Variants in SGF29 observed in about 807,000 individuals in gnomAD.
SGF29 encodes the protein SAGA-associated factor 29.
In SGF29, 15 loss-of-function variants were observed where a neutral mutation model predicts 38.1. The ratio of observed to expected loss-of-function variants is 0.39; its 90% CI spans 0.26 to 0.61. The LOEUF (loss-of-function observed/expected upper bound fraction) is 0.61. SGF29 is among the 20% of genes least tolerant of loss of function. The pLI is 0.49. For missense variants in SGF29, 184 were observed against 394.6 expected (o/e 0.47, Z 4.52); for synonymous variants, 151 against 160.8 (o/e 0.94, Z 0.46).
chr16:28,590,742 C>T lies in SGF29; in HGVS notation c.603-31C>T. 2 of 1,614,054 alleles carry T rather than the reference C, an allele frequency of 1.2e-6. No homozygotes were observed. Among genetic ancestry groups the T allele is most frequent in the South Asian group, 1.1e-5 (1 of 91,082 alleles). On this transcript the variant is annotated intron_variant, in intron 8 of 9. Coordinates refer to ENST00000317058, the MANE Select transcript of SGF29 (RefSeq NM_138414.3). This position sits in a 1 kb window ranked among gnomAD's most constrained non-coding sequence, Gnocchi z 8.2. ...CTGAGAAGGAGCATCCCCACCCGGC[C>T]ACAGGTTGATATAAGCCCCTCTTCC... is the stretch of plus-strand genomic sequence containing the variant.
rs773541557 is a variant in SGF29, at chr16:28,564,564, TACGTATATATATAC to T, written c.-16+10484_-16+10497del. On this transcript the variant is annotated intron_variant, in intron 1 of 9. Transcript: ENST00000317058. Reference sequence around the variant, plus strand: ...GTATATATATACGTATATATATATATACGTATATATATACACGTATATATATACACACATATATG... The same window carrying T: ...GTATATATATACGTATATATATATATACGTATATATATACACACATATATG... Among the ~76,000 whole-genome samples the T allele has an allele frequency of 5.7e-4, 69 of 121,878 alleles. 1 individual carries two copies. In the East Asian group the frequency reaches 0.013, roughly 23 times the overall value. The allele number at this position is 121,878 out of a possible 152,430, so 80.0% of individuals were successfully genotyped here. A position where few individuals can be genotyped will look rare whatever the true frequency, so the allele number is the denominator to read the frequency against.
Position 28,590,073 on chromosome 16 carries a change from C to T in SGF29, c.290-23C>T. 1.2e-6 allele frequency: 2 copies of T among 1,604,414 alleles called. No homozygotes were observed. Among genetic ancestry groups the T allele is most frequent in the Non-Finnish European group, 1.7e-6 (2 of 1,176,046 alleles). On this transcript the variant is annotated intron_variant, in intron 5 of 9. Transcript: ENST00000317058. This position sits in a 1 kb window ranked among gnomAD's most constrained non-coding sequence, Gnocchi z 8.2. ...AGGCCGGCACCTATCCCTGGGGCCT[C>T]AGGCCTCCCTTCCTTCCCACAGCGG...
intron 3 of SGF29, chr16:28,585,335 G>T: frequency 1.9e-6 from 1 of 533,714 alleles, no homozygotes; most frequent in Non-Finnish European, 3.4e-6. Context: ...CTGGGGCTGG[G>T]GCTTTCTTAC....
intron 1 of SGF29, among the ~76,000 whole-genome samples, chr16:28,570,680 GTGA>G (rs2046859842): frequency 6.6e-6 from 1 of 151,896 alleles, no homozygotes; most frequent in African/African-American, 2.4e-5. Flanking sequence ...CCAGGTTTAA[GTGA>G]TTCTCCTGCC....
At chr16:28,589,433 G>A (rs1000570113) in intron 5 of SGF29, 9 of 449,198 alleles carry the variant, frequency 2.0e-5, no homozygotes, top group African/African-American at 1.2e-4. Context: ...TGGGCCAGTC[G>A]CCCCCTCCTC....
intron 1 of SGF29, among the ~76,000 whole-genome samples, chr16:28,566,538 C>T (rs1259910254): frequency 6.6e-6 from 1 of 151,938 alleles, no homozygotes; most frequent in Admixed American, 6.6e-5. Flanking sequence ...TCTGTAATCC[C>T]AACACTTTTC....
At chr16:28,561,325 G>A (rs1426581242) in intron 1 of SGF29, among the ~76,000 whole-genome samples, 1 of 152,132 alleles carries the variant, frequency 6.6e-6, no homozygotes, top group Non-Finnish European at 1.5e-5. Context: ...CTGAGGTCAA[G>A]AGTTGGAGAC....
chr16:28,560,730 G>A (rs1447950555), intron 1 of SGF29, among the ~76,000 whole-genome samples: 1 of 152,126 alleles, frequency 6.6e-6, no homozygotes, highest in African/African-American at 2.4e-5. Context: ...GGGAGGCCAA[G>A]GCAGGCGGAT....
intron 1 of SGF29, among the ~76,000 whole-genome samples, chr16:28,562,903 CAAAAAAAAA>C (rs753973229): frequency 5.9e-5 from 3 of 50,892 alleles, no homozygotes; most frequent in African/African-American, 1.5e-4. Flanking sequence ...GACCCTGTCT[CAAAAAAAAA>C]AAAAAAAAAA....
intron 1 of SGF29, among the ~76,000 whole-genome samples, chr16:28,577,787 G>A (rs2046903419): frequency 6.6e-6 from 1 of 152,144 alleles, no homozygotes; most frequent in Non-Finnish European, 1.5e-5. Context: ...TGTCTATTCA[G>A]ATCATTTTTG....
chr16:28,557,497 A>G (rs1005110062), intron 1 of SGF29, among the ~76,000 whole-genome samples: 1 of 152,140 alleles, frequency 6.6e-6, no homozygotes, highest in Non-Finnish European at 1.5e-5. Context: ...CAGTAAACCT[A>G]AGTGTTTCCC....
chr16:28,556,928 A>G (rs976276141), intron 1 of SGF29, among the ~76,000 whole-genome samples: 3 of 152,170 alleles, frequency 2.0e-5, no homozygotes, highest in African/African-American at 7.2e-5. Context: ...GATTACGGTC[A>G]TGAGCCACTG....
rs1244820721 is a variant in SGF29, at chr16:28,581,122, A to T, written c.53A>T (p.His18Leu). Residue 18 changes from histidine to leucine, a missense_variant, in exon 2 of 10, where the codon CAT becomes CTT. Physicochemically the swap from His to Leu is moderately conservative, Grantham distance 99. Around this residue, in one of 2 missense-constraint regions of SGF29, gnomAD observed 77 missense variants for 117.7 expected, o/e 0.65. Coordinates refer to ENST00000317058, the MANE Select transcript of SGF29 (RefSeq NM_138414.3). Reference sequence around the variant, plus strand: ...ATTGCAGAACTTCTCACAGAGCTCCATCAGCTGATCAAACAAACCCAGGTA... The same window carrying T: ...ATTGCAGAACTTCTCACAGAGCTCCTTCAGCTGATCAAACAAACCCAGGTA... ...SRIAELLTEL[H>L]QLIKQTQEER... 4 of 1,614,062 alleles carry T rather than the reference A, an allele frequency of 2.5e-6. No individual in the cohort carries two copies. The highest frequency in any genetic ancestry group is 3.4e-6 in the Non-Finnish European group (4 of 1,179,998).
intron 1 of SGF29, among the ~76,000 whole-genome samples, chr16:28,565,767 G>A (rs969257625): frequency 6.6e-6 from 1 of 151,778 alleles, no homozygotes; most frequent in Non-Finnish European, 1.5e-5. Context: ...GATTACAGAC[G>A]TGAGCCACCA....
chr16:28,558,592 G>A (rs947878262), intron 1 of SGF29, among the ~76,000 whole-genome samples: 3 of 152,114 alleles, frequency 2.0e-5, no homozygotes, highest in Non-Finnish European at 1.5e-5. Context: ...CTTGTCATGA[G>A]GCATTAAAAA....
intron 1 of SGF29, among the ~76,000 whole-genome samples, chr16:28,574,719 T>A (rs1224999792): frequency 6.6e-6 from 1 of 152,186 alleles, no homozygotes; most frequent in African/African-American, 2.4e-5. Context: ...TGTCCACACC[T>A]TCACTTTCTT....
Position 28,565,769 on chromosome 16 carries a change from G to A in SGF29, c.-16+11672G>A, listed in dbSNP as rs564688853. ...CCCAAAGTGCTGGGATTACAGACGT[G>A]AGCCACCACGCCCAGCCAGGTATGG... On this transcript the variant is annotated intron_variant, in intron 1 of 9. Coordinates refer to ENST00000317058, the MANE Select transcript of SGF29 (RefSeq NM_138414.3). 8.6e-5 allele frequency among the ~76,000 whole-genome samples: 13 copies of A among 151,954 alleles called. No homozygotes were observed. The East Asian group carries it at 2.4e-3, about 28-fold the overall frequency.
chr16:28,588,071 AT>A, intron 4 of SGF29, among the ~76,000 whole-genome samples: 1 of 152,252 alleles, frequency 6.6e-6, no homozygotes, highest in Admixed American at 6.5e-5. Context: ...AAGTGCTGAG[AT>A]TACAGGCGTG....
chr16:28,573,225 G>C (rs2046875490), intron 1 of SGF29, among the ~76,000 whole-genome samples: 2 of 152,128 alleles, frequency 1.3e-5, no homozygotes, highest in Admixed American at 1.3e-4. Flanking sequence ...AGGACCTGGG[G>C]GGGTGTAAGA....
Sources: gnomAD v4.1 joint callset for allele counts (sites outside exome capture counted in the v4.1 genomes callset) on GRCh38, gnomAD v4.1.1 for gene constraint, gnomAD v4.1.1 regional missense constraint, Gnocchi (gnomAD v3.1) non-coding constraint, MANE v1.5 for transcripts, NCBI Gene and HGNC (gene_info 2026-07-23, HGNC 2026-07-21) for gene names.